KLF8: variants seen among roughly 807,000 people sequenced by gnomAD.
KLF8 encodes the protein KLF transcription factor 8.
In KLF8, 10 loss-of-function variants were observed where a neutral mutation model predicts 18.2. The observed-to-expected ratio is 0.55, with a 90% CI of 0.34 to 0.93. The LOEUF (loss-of-function observed/expected upper bound fraction) is 0.93, where lower values mean the gene tolerates loss of function less well. Ranked by LOEUF, KLF8 falls within the 40% of genes least tolerant of loss-of-function variation. The pLI is 0.02. For missense variants in KLF8, 264 were observed against 277.9 expected (o/e 0.95, Z 0.36); for synonymous variants, 109 against 97.3 (o/e 1.12, Z -0.71).
the KLF8 span, among the ~76,000 whole-genome samples, chrX:55,964,998 A>G: frequency 2.7e-5 from 3 of 111,668 alleles, no homozygotes; most frequent in Non-Finnish European, 5.6e-5. Context: ...CCTGGTACCA[A>G]TCCTACTGAA....
At chrX:56,160,678 T>G in the KLF8 span, among the ~76,000 whole-genome samples, 1 of 111,733 alleles carries the variant, frequency 8.9e-6, no homozygotes, top group East Asian at 2.8e-4. Flanking sequence ...TTTGCTGGTT[T>G]AAAATCTGTT....
At chrX:55,959,414 A>G in the KLF8 span, among the ~76,000 whole-genome samples, 1 of 112,246 alleles carries the variant, frequency 8.9e-6, no homozygotes, top group East Asian at 2.8e-4. Flanking sequence ...GTTCTTAACC[A>G]GACTGAAATG....
the KLF8 span, among the ~76,000 whole-genome samples, chrX:56,197,583 G>T: frequency 1.8e-5 from 2 of 111,757 alleles, no homozygotes; most frequent in Non-Finnish European, 3.8e-5. Context: ...CTCTGAAATT[G>T]AGGCAATAAT....
At chrX:55,919,175 G>T in the KLF8 span, among the ~76,000 whole-genome samples, 3 of 112,139 alleles carry the variant, frequency 2.7e-5, no homozygotes, top group Non-Finnish European at 5.6e-5. Flanking sequence ...TCTCTCTTCT[G>T]TGGACCTGTG....
chrX:56,085,043 T>C, the KLF8 span, among the ~76,000 whole-genome samples: 2 of 111,739 alleles, frequency 1.8e-5, no homozygotes, highest in Non-Finnish European at 3.8e-5. Flanking sequence ...TTATAAGGTT[T>C]TGAAATGATG....
the KLF8 span, among the ~76,000 whole-genome samples, chrX:56,198,754 G>T: frequency 9.0e-6 from 1 of 111,726 alleles, no homozygotes; most frequent in South Asian, 3.7e-4. Context: ...AAGTCCATAT[G>T]AAATGAAAAA....
the KLF8 span, among the ~76,000 whole-genome samples, chrX:56,012,263 A>T: frequency 5.4e-5 from 6 of 111,914 alleles, no homozygotes; most frequent in African/African-American, 1.9e-4. Context: ...AAGCCTACCC[A>T]CCACAATCAA....
chrX:56,187,995 T>A, the KLF8 span, among the ~76,000 whole-genome samples: 1 of 111,458 alleles, frequency 9.0e-6, no homozygotes. Flanking sequence ...ACCACTCCTA[T>A]TCAACATAGT....
At chrX:55,916,264 T>G in the KLF8 span, among the ~76,000 whole-genome samples, 1 of 111,893 alleles carries the variant, frequency 8.9e-6, no homozygotes, top group African/African-American at 3.2e-5. Flanking sequence ...GAAATATTAT[T>G]TTGGCCCTAC....
the KLF8 span, among the ~76,000 whole-genome samples, chrX:56,047,228 T>G: frequency 9.0e-6 from 1 of 110,533 alleles, no homozygotes; most frequent in Non-Finnish European, 1.9e-5. Context: ...TTTTTTTTAT[T>G]TATGCTATGT....
the KLF8 span, chrX:56,074,572 C>A: frequency 1.8e-5 from 2 of 113,618 alleles, no homozygotes; most frequent in East Asian, 2.8e-4. Context: ...ACCCTTGGAA[C>A]CCATGTCAAA....
chrX:56,091,103 C>T, the KLF8 span, among the ~76,000 whole-genome samples: 1 of 111,147 alleles, frequency 9.0e-6, no homozygotes, highest in Non-Finnish European at 1.9e-5. Flanking sequence ...GTGTCCCCAC[C>T]GAAATCTCAT....
the KLF8 span, among the ~76,000 whole-genome samples, chrX:56,129,696 C>G: frequency 3.6e-5 from 4 of 110,987 alleles, no homozygotes; most frequent in Admixed American, 2.9e-4. Flanking sequence ...GGGCATAAAT[C>G]CAGTGCGCAG....
chrX:56,201,638 G>T, the KLF8 span, among the ~76,000 whole-genome samples: 3 of 111,665 alleles, frequency 2.7e-5, no homozygotes, highest in African/African-American at 9.8e-5. Context: ...TAGTGAAGAA[G>T]ACAGAAGGAA....
intron 2 of KLF8, among the ~76,000 whole-genome samples, chrX:56,263,392 G>A (rs185929249): frequency 8.9e-6 from 1 of 111,763 alleles, no homozygotes; most frequent in African/African-American, 3.3e-5. Context: ...TAGCATAAAA[G>A]AAGGGAAAAG....
chrX:56,017,734 G>A, the KLF8 span, among the ~76,000 whole-genome samples: 2 of 111,239 alleles, frequency 1.8e-5, no homozygotes, highest in African/African-American at 6.5e-5. Context: ...TCTCTTTTTA[G>A]TTAAAGATAA....
At chrX:55,998,192 A>G in the KLF8 span, among the ~76,000 whole-genome samples, 1 of 112,295 alleles carries the variant, frequency 8.9e-6, no homozygotes, top group Non-Finnish European at 1.9e-5. Context: ...GATGGAACGT[A>G]CAATCGGGTT....
the KLF8 span, among the ~76,000 whole-genome samples, chrX:56,052,575 T>A: frequency 1.8e-5 from 2 of 111,887 alleles, no homozygotes; most frequent in Non-Finnish European, 3.8e-5. Context: ...CCAGTTAGGC[T>A]GCCCGGGGGT....
At chrX:56,175,224 G>C in the KLF8 span, among the ~76,000 whole-genome samples, 2 of 111,743 alleles carry the variant, frequency 1.8e-5, no homozygotes, top group African/African-American at 6.5e-5. Flanking sequence ...GCTTTCTCTT[G>C]TGGGCATTTA....
Sources: gnomAD v4.1 joint callset for allele counts (sites outside exome capture counted in the v4.1 genomes callset) on GRCh38, gnomAD v4.1.1 for gene constraint, MANE v1.5 for transcripts, NCBI Gene and HGNC (gene_info 2026-07-23, HGNC 2026-07-21) for gene names.